The following ITGA11 variants were observed in gnomAD, a reference collection of about 807,000 sequenced individuals.
ITGA11 encodes integrin alpha-11.
A neutral mutation model predicts 141.9 loss-of-function variants in ITGA11; 97 were observed. The ratio of observed to expected loss-of-function variants is 0.68; its 90% CI spans 0.58 to 0.81. The LOEUF (loss-of-function observed/expected upper bound fraction) is 0.81. Ranked by LOEUF, ITGA11 falls within the 30% of genes least tolerant of loss-of-function variation. ITGA11 has a pLI of 0.00. For synonymous variants in ITGA11, 658 were observed against 624.6 expected, an observed-to-expected ratio of 1.05 and a Z score of -0.80; for missense variants, 1,387 against 1,559.2, an observed-to-expected ratio of 0.89 and a Z score of 1.86.
chr15:68,320,275 G>A lies in ITGA11; in HGVS notation c.2526C>T (p.Ala842=), dbSNP rs1320598357. Residue 842 remains alanine, a synonymous_variant, in exon 20 of 30, where the codon GCC becomes GCT. Coordinates refer to ENST00000315757, the MANE Select transcript of ITGA11 (RefSeq NM_001004439.2). ...ESTRQRVAVE[A]TLENRGENAY... is the part of the protein sequence containing the mutation. ...CGTTCTCGCCCCTGTTCTCCAGTGT[G>A]GCCTCCACCGCCACTCGCTGGCGTG... The A allele has an allele frequency of 1.2e-6, 2 of 1,613,852 alleles. No homozygotes were observed. The highest frequency in any genetic ancestry group is 1.7e-6 in the Non-Finnish European group (2 of 1,179,864).
chr15:68,422,270 G>A (rs1377260819), intron 1 of ITGA11, among the ~76,000 whole-genome samples: 1 of 152,070 alleles, frequency 6.6e-6, no homozygotes, highest in East Asian at 1.9e-4. Flanking sequence ...CTGCCCACGA[G>A]CACTGCAAAG....
chr15:68,423,888 C>A (rs893657240), intron 1 of ITGA11, among the ~76,000 whole-genome samples: 1 of 152,080 alleles, frequency 6.6e-6, no homozygotes, highest in African/African-American at 2.4e-5. Flanking sequence ...GCTTCCTTCA[C>A]CTGAACCCTC....
chr15:68,339,388 C>T (rs781234601), intron 11 of ITGA11, 112 bp downstream of exon 11: 5 of 1,271,148 alleles, frequency 3.9e-6, no homozygotes, highest in Admixed American at 4.2e-5. Context: ...CTTGAATCAG[C>T]CCAGAATATA....
chr15:68,328,338 G>C lies in ITGA11; in HGVS notation c.1902-76C>G. 7.4e-7 allele frequency: 1 copy of C among 1,356,246 alleles called. No individual in the cohort carries two copies. The highest frequency in any genetic ancestry group is 1.0e-6 in the Non-Finnish European group (1 of 986,594). The allele number at this position is 1,356,246 out of a possible 1,614,324, so 84.0% of individuals were successfully genotyped here. The stretch of plus-strand genomic sequence containing the variant: ...CTGCTGTGACCATGGGGAAAGACAA[G>C]AACCAGATGCGAGTGGGATCTGCAA... On this transcript the variant is annotated intron_variant, in intron 15 of 29. Coordinates refer to ENST00000315757, the MANE Select transcript of ITGA11 (RefSeq NM_001004439.2). The surrounding 1 kb of genome is among the most constrained non-coding windows in gnomAD (Gnocchi z 4.8).
chr15:68,358,640 T>A lies in ITGA11; in HGVS notation c.473-55A>T, dbSNP rs191394530. ...CCAAGGAGCAGTGTCTGCGAGTCTC[T>A]GATTCTCTGGACAATTGTTCAAAGG... is the stretch of plus-strand genomic sequence containing the variant. On this transcript the variant is annotated intron_variant, in intron 5 of 29. Transcript: ENST00000315757. The A allele has an allele frequency of 8.1e-4, 1,250 of 1,551,446 alleles. 15 individuals carry two copies. In the South Asian group the frequency reaches 0.014, roughly 18 times the overall value.
intron 18 of ITGA11, among the ~76,000 whole-genome samples, chr15:68,323,320 A>T (rs1455618969): frequency 3.9e-5 from 6 of 152,216 alleles, no homozygotes; most frequent in Non-Finnish European, 7.4e-5. Context: ...AGTCTCAAAG[A>T]AAAAACAGCC....
chr15:68,323,314 T>C (rs998540459), intron 18 of ITGA11, among the ~76,000 whole-genome samples: 2 of 152,098 alleles, frequency 1.3e-5, no homozygotes, highest in African/African-American at 4.8e-5. Context: ...AGTTCAAGTC[T>C]CAAAGAAAAA....
Position 68,335,307 on chromosome 15 carries a change from G to A in ITGA11, c.1425+390C>T, listed in dbSNP as rs1159871836. Among the ~76,000 whole-genome samples the A allele has an allele frequency of 6.6e-6, 1 of 152,160 alleles. No homozygotes were observed. Among genetic ancestry groups the A allele is most frequent in the Non-Finnish European group, 1.5e-5 (1 of 68,028 alleles). On this transcript the variant is annotated intron_variant, in intron 12 of 29. Transcript: ENST00000315757. This position sits in a 1 kb window ranked among gnomAD's most constrained non-coding sequence, Gnocchi z 4.9. Reference sequence around the variant, plus strand: ...CAGGAGCCCAGTTTTCCCCTGTGCTGGAAGTGACTTGGGATTGGAGCCCTG... The same window carrying A: ...CAGGAGCCCAGTTTTCCCCTGTGCTAGAAGTGACTTGGGATTGGAGCCCTG...
chr15:68,313,519 A>G (rs1409987197), intron 23 of ITGA11, among the ~76,000 whole-genome samples: 1 of 151,348 alleles, frequency 6.6e-6, no homozygotes, highest in Non-Finnish European at 1.5e-5. Context: ...CACTGCCCCC[A>G]CCCTCCCTTC....
intron 2 of ITGA11, among the ~76,000 whole-genome samples, chr15:68,373,003 C>T (rs1336678963): frequency 6.6e-6 from 1 of 152,112 alleles, no homozygotes; most frequent in Non-Finnish European, 1.5e-5. Context: ...GTTAGTAATT[C>T]TATTTTTTTC....
chr15:68,312,663 G>A (rs1054551938), intron 24 of ITGA11, 110 bp downstream of exon 24: 90 of 761,408 alleles, frequency 1.2e-4, no homozygotes, highest in Non-Finnish European at 1.5e-5. Context: ...TGGGTGGCAG[G>A]GTTGAGGCTG....
At chr15:68,404,095 C>CT (rs1221319562) in intron 1 of ITGA11, among the ~76,000 whole-genome samples, 4 of 152,030 alleles carry the variant, frequency 2.6e-5, no homozygotes, top group African/African-American at 4.8e-5. Flanking sequence ...TTGGTCTCCT[C>CT]TTTTTTTTCC....
chr15:68,314,010 G>C, intron 22 of ITGA11, 142 bp from the exon 23 acceptor site: 1 of 652,586 alleles, frequency 1.5e-6, no homozygotes, highest in Non-Finnish European at 2.7e-6. Context: ...GGGAACCTGA[G>C]GCATCTCCTA....
rs367719634 is a variant in ITGA11 at position 68,315,002 on chromosome 15, T to C, written c.2792+649A>G. 2.9e-4 allele frequency among the ~76,000 whole-genome samples: 44 copies of C among 152,332 alleles called. No individual in the cohort carries two copies. In the East Asian group the frequency reaches 6.4e-3, roughly 22 times the overall value. On this transcript the variant is annotated intron_variant, in intron 22 of 29. Transcript: ENST00000315757. ...CAAAAAAGAGAAGTGTATTTACTAC[T>C]GACACAAAGTGATTCATGGGGTCAA...
At chr15:68,420,810 G>A (rs917912472) in intron 1 of ITGA11, among the ~76,000 whole-genome samples, 1 of 152,108 alleles carries the variant, frequency 6.6e-6, no homozygotes, top group Non-Finnish European at 1.5e-5. Flanking sequence ...ACATTCCATC[G>A]GAGCAGGCAA....
intron 1 of ITGA11, among the ~76,000 whole-genome samples, chr15:68,418,104 A>G (rs1277069460): frequency 6.6e-6 from 1 of 152,198 alleles, no homozygotes; most frequent in Non-Finnish European, 1.5e-5. Context: ...GAGGATTTAC[A>G]TCATGGTAAT....
chr15:68,373,501 T>C (rs1270590273), intron 2 of ITGA11, among the ~76,000 whole-genome samples: 2 of 152,236 alleles, frequency 1.3e-5, no homozygotes, highest in African/African-American at 4.8e-5. Flanking sequence ...GCTTCCATGC[T>C]AAAGTCAATG....
At chr15:68,417,455 T>C (rs1896913457) in intron 1 of ITGA11, among the ~76,000 whole-genome samples, 1 of 152,232 alleles carries the variant, frequency 6.6e-6, no homozygotes, top group Non-Finnish European at 1.5e-5. Flanking sequence ...CTTCATTTTG[T>C]ATTTAGACTT....
chr15:68,358,558 A>G lies in ITGA11; in HGVS notation c.500T>C (p.Ile167Thr). 1 of 1,613,872 alleles carries G rather than the reference A, an allele frequency of 6.2e-7. No homozygotes were observed. Reference protein sequence around the residue: ...QRCQTYMDIVIVLDGSNSIYP... With the variant: ...QRCQTYMDIVTVLDGSNSIYP... ...GATGCTGTTGGAGCCATCCAGGACAATGACGATGTCCATGTAGGTCTGGCA... is the reference window on the plus strand; with the variant it reads ...GATGCTGTTGGAGCCATCCAGGACAGTGACGATGTCCATGTAGGTCTGGCA... Residue 167 changes from isoleucine (I) to threonine (T), a missense_variant, in exon 6 of 30, where the codon ATT becomes ACT. Transcript: ENST00000315757.
Sources: allele counts gnomAD v4.1 joint callset (sites outside exome capture counted in the v4.1 genomes callset), GRCh38; gene constraint gnomAD v4.1.1; non-coding constraint Gnocchi (gnomAD v3.1); transcripts MANE v1.5; gene names NCBI Gene and HGNC (gene_info 2026-07-23, HGNC 2026-07-21).